Variants in PRDM2 observed in about 807,000 individuals in gnomAD.
The protein encoded by PRDM2 is PR domain zinc finger protein 2.
Under a neutral mutation model 130.0 loss-of-function variants are expected in PRDM2, and 30 were observed. The observed-to-expected ratio is 0.23, with a 90% CI of 0.17 to 0.31. The LOEUF (loss-of-function observed/expected upper bound fraction) is 0.31, where lower values mean the gene tolerates loss of function less well. Ranked by LOEUF, PRDM2 falls within the 10% of genes least tolerant of loss-of-function variation. The pLI, the probability that PRDM2 is intolerant of heterozygous loss-of-function variation, is 1.00. For missense variants in PRDM2, 2,011 were observed against 2,108.4 expected (o/e 0.95, Z 0.90); for synonymous variants, 871 against 782.4 (o/e 1.11, Z -1.89).
chr1:13,722,690 C>T (rs147694999), intron 2 of PRDM2, among the ~76,000 whole-genome samples: 1 of 152,068 alleles, frequency 6.6e-6, no homozygotes, highest in African/African-American at 2.4e-5. Flanking sequence ...CTGTCCCCAC[C>T]CTCACCCATT....
At chr1:13,787,971 TG>T (rs1223298800) in intron 8 of PRDM2, 1 of 985,312 alleles carries the variant, frequency 1.0e-6, no homozygotes, top group African/African-American at 1.7e-5. Flanking sequence ...GCTTGTCAGA[TG>T]TATTAAAAAA....
rs145133272 is a variant in PRDM2 at position 13,727,397 on chromosome 1, G to C, written c.10-3603G>C. ...AGCCTCCTGAGTAGCTGGGATTACA[G>C]GCATGAGCCACCACGCCCAGCTAAT... On this transcript the variant is annotated intron_variant, in intron 2 of 9. Coordinates refer to ENST00000311066, the MANE Select transcript of PRDM2 (RefSeq NM_001393986.1). Among the ~76,000 whole-genome samples the C allele has an allele frequency of 2.7e-3, 417 of 152,296 alleles. 3 individuals carry two copies. Among genetic ancestry groups the C allele is most frequent in the Non-Finnish European group, 4.3e-3 (295 of 68,028 alleles).
chr1:13,726,737 T>C (rs181259709), intron 2 of PRDM2, among the ~76,000 whole-genome samples: 18 of 152,346 alleles, frequency 1.2e-4, no homozygotes, highest in Admixed American at 9.8e-4. Flanking sequence ...CATTGATACA[T>C]GTTTAAAGAC....
Position 13,774,778 on chromosome 1 carries a change from T to C in PRDM2, c.622+1590T>C, listed in dbSNP as rs1644435754. 4.6e-5 allele frequency among the ~76,000 whole-genome samples: 7 copies of C among 151,964 alleles called. No individual in the cohort carries two copies. The South Asian group carries it at 1.0e-3, about 23-fold the overall frequency. On this transcript the variant is annotated intron_variant, in intron 7 of 9. Coordinates refer to ENST00000311066, the MANE Select transcript of PRDM2 (RefSeq NM_001393986.1). The stretch of plus-strand genomic sequence containing the variant: ...GATCACAAGGTCAGGAGATCGAGAC[T>C]ATCCTGGCTAACATGGTGAAACCCC...
chr1:13,778,284 G>C (rs1263007768), intron 7 of PRDM2, 134 bp from the exon 8 acceptor site: 1 of 919,400 alleles, frequency 1.1e-6, no homozygotes, highest in African/African-American at 1.7e-5. Flanking sequence ...TAAAGTAGAA[G>C]TAATTTATTG....
chr1:13,762,517 G>T (rs1644123548), intron 6 of PRDM2, among the ~76,000 whole-genome samples: 1 of 152,196 alleles, frequency 6.6e-6, no homozygotes, highest in Non-Finnish European at 1.5e-5. Flanking sequence ...CTTTCCACCA[G>T]CCATTGGACG....
chr1:13,792,386 TGTC>T (rs1381984603), intron 8 of PRDM2, among the ~76,000 whole-genome samples: 1 of 152,244 alleles, frequency 6.6e-6, no homozygotes, highest in Non-Finnish European at 1.5e-5. Flanking sequence ...CAGTTGAATT[TGTC>T]GTAGCATTTA....
intron 6 of PRDM2, among the ~76,000 whole-genome samples, chr1:13,768,075 T>TC (rs1455565419): frequency 4.8e-5 from 4 of 82,854 alleles, no homozygotes; most frequent in Non-Finnish European, 8.8e-5. Context: ...TGTCCTTGAG[T>TC]TTTTTTTTTT....
chr1:13,813,540 T>A (rs1645208967), intron 8 of PRDM2, among the ~76,000 whole-genome samples: 1 of 152,152 alleles, frequency 6.6e-6, no homozygotes, highest in African/African-American at 2.4e-5. Context: ...AGTCTCCATA[T>A]CCGTCTGAGC....
intron 8 of PRDM2, chr1:13,786,420 T>G: frequency 1.3e-6 from 2 of 1,509,918 alleles, no homozygotes. Context: ...CTTAATAACA[T>G]TTGTCTTACG....
At chr1:13,720,464 G>A (rs773423450) in intron 2 of PRDM2, among the ~76,000 whole-genome samples, 8 of 152,102 alleles carry the variant, frequency 5.3e-5, no homozygotes, top group Admixed American at 2.6e-4. Context: ...CTCTGGGGTC[G>A]CCAGAAGGAC....
Position 13,818,379 on chromosome 1 carries a change from C to CTT in PRDM2, c.*23+1826_*23+1827dup, listed in dbSNP as rs70984285. Among the ~76,000 whole-genome samples, 39 of 128,046 alleles carry CTT rather than the reference C, an allele frequency of 3.0e-4. 1 individual carries two copies. The highest frequency in any genetic ancestry group is 1.0e-3 in the African/African-American group (35 of 34,084). The allele number at this position is 128,046 out of a possible 152,430, so 84.0% of individuals were successfully genotyped here. Reference sequence around the variant, plus strand: ...CCCCAAGACCTCACTTCTCTCTTTCCTTTTTTTTTTTTTTTTTTGAGACAG... The same window carrying CTT: ...CCCCAAGACCTCACTTCTCTCTTTCCTTTTTTTTTTTTTTTTTTTTGAGACAG... On this transcript the variant is annotated intron_variant, in intron 9 of 9. Transcript: ENST00000311066.
At chr1:13,816,677 G>T in intron 9 of PRDM2, 107 bp downstream of exon 9, 1 of 1,421,174 alleles carries the variant, frequency 7.0e-7, no homozygotes, top group Middle Eastern at 2.0e-4. Flanking sequence ...GGGTGTGATT[G>T]CTTGTGTGTA....
intron 8 of PRDM2, among the ~76,000 whole-genome samples, chr1:13,798,128 G>T (rs1167974327): frequency 1.3e-5 from 2 of 152,128 alleles, no homozygotes; most frequent in Non-Finnish European, 2.9e-5. Flanking sequence ...CCCTGCATGT[G>T]TGTGTTCACC....
chr1:13,796,865 A>C (rs183441856), intron 8 of PRDM2, among the ~76,000 whole-genome samples: 2 of 152,374 alleles, frequency 1.3e-5, no homozygotes, highest in East Asian at 3.8e-4. Flanking sequence ...AACACACCGT[A>C]TAATGGACTG....
At chr1:13,795,533 T>A (rs1387030496) in intron 8 of PRDM2, among the ~76,000 whole-genome samples, 3 of 152,226 alleles carry the variant, frequency 2.0e-5, no homozygotes, top group Non-Finnish European at 4.4e-5. Context: ...CGCCTTCTAG[T>A]GGCATGGCCT....
chr1:13,760,546 A>C (rs1197733468), intron 6 of PRDM2, among the ~76,000 whole-genome samples: 1 of 152,202 alleles, frequency 6.6e-6, no homozygotes, highest in African/African-American at 2.4e-5. Context: ...GATGTGCAGC[A>C]TGCAGAATTT....
rs911214412 is a variant in PRDM2 at position 13,778,708 on chromosome 1, G to A, written c.913G>A (p.Val305Met). ...EEASMPNENS[V>M]KEPEIRCDEK... is the part of the protein sequence containing the mutation. ...AGCCAGCATGCCAAATGAAAATTCT[G>A]TGAAAGAGCCAGAAATACGGTGTGA... The change falls in exon 8 of 10, where the codon GTG (valine) becomes ATG (methionine). Residue 305 changes from valine to methionine, a missense_variant. By Grantham distance (21) the Val-to-Met change is conservative. This residue lies in a region of PRDM2 where 1,288 missense variants were observed against 1,237.7 expected (regional missense o/e 1.04). Coordinates refer to ENST00000311066, the MANE Select transcript of PRDM2 (RefSeq NM_001393986.1). The A allele has an allele frequency of 3.1e-6, 5 of 1,614,090 alleles. No individual in the cohort carries two copies. The African/African-American group carries it at 6.7e-5, about 22-fold the overall frequency.
In PRDM2 at chr1:13,720,277, C is replaced by T. The variant is rs138399439; in HGVS notation, c.9+4663C>T. Among the ~76,000 whole-genome samples the T allele has an allele frequency of 2.4e-4, 36 of 152,280 alleles. 1 individual carries two copies. The East Asian group carries it at 6.8e-3, about 29-fold the overall frequency. ...ACATGCAGCTTTATGTAACAGCAGC[C>T]AATGCCAATGTTATGCTGTAGAGCA... On this transcript the variant is annotated intron_variant, in intron 2 of 9. Coordinates refer to ENST00000311066, the MANE Select transcript of PRDM2 (RefSeq NM_001393986.1).
Sources: gnomAD v4.1 joint callset for allele counts (sites outside exome capture counted in the v4.1 genomes callset) on GRCh38, gnomAD v4.1.1 for gene constraint, gnomAD v4.1.1 regional missense constraint, MANE v1.5 for transcripts, NCBI Gene and HGNC (gene_info 2026-07-23, HGNC 2026-07-21) for gene names.